The following RYR3 variants were observed in gnomAD, a reference collection of about 807,000 sequenced individuals.
RYR3 encodes the protein brain ryanodine receptor-calcium release channel.
In RYR3, 207 loss-of-function variants were observed where a neutral mutation model predicts 584.3. The ratio of observed to expected loss-of-function variants is 0.35; its 90% CI spans 0.32 to 0.40. RYR3 has a LOEUF of 0.40. Among genes scored for constraint, RYR3 ranks in the 10% least tolerant of loss-of-function variants. The pLI, the probability that RYR3 is intolerant of heterozygous loss-of-function variation, is 1.00. For missense variants in RYR3, 5,616 were observed against 6,089.2 expected, an observed-to-expected ratio of 0.92 and a Z score of 2.59; for synonymous variants, 2,416 against 2,248.5, an observed-to-expected ratio of 1.07 and a Z score of -2.11.
At chr15:33,532,225 G>A (rs1301758402) in intron 4 of RYR3, among the ~76,000 whole-genome samples, 2 of 152,202 alleles carry the variant, frequency 1.3e-5, no homozygotes, top group Non-Finnish European at 2.9e-5. Context: ...ATGCCCATCA[G>A]TGAAGGAGGC....
intron 75 of RYR3, among the ~76,000 whole-genome samples, chr15:33,817,824 C>T (rs1316034131): frequency 1.3e-5 from 2 of 152,212 alleles, no homozygotes; most frequent in Non-Finnish European, 1.5e-5. Flanking sequence ...CAGCCCTCTA[C>T]TTCTTCTGAA....
intron 10 of RYR3, among the ~76,000 whole-genome samples, chr15:33,553,210 G>C (rs2056814765): frequency 6.6e-6 from 1 of 152,180 alleles, no homozygotes; most frequent in Non-Finnish European, 1.5e-5. Flanking sequence ...AGGAGAAAAA[G>C]AGGCTCTTGG....
At chr15:33,568,692 AAATGTT>A (rs1486399820) in intron 12 of RYR3, among the ~76,000 whole-genome samples, 3 of 152,270 alleles carry the variant, frequency 2.0e-5, no homozygotes, top group Non-Finnish European at 4.4e-5. Context: ...CAGCCTCCCA[AAATGTT>A]GGCATTATAG....
chr15:33,513,850 C>G (rs750652483), intron 3 of RYR3, among the ~76,000 whole-genome samples: 1 of 152,144 alleles, frequency 6.6e-6, no homozygotes, highest in Non-Finnish European at 1.5e-5. Flanking sequence ...AGTGTCTACC[C>G]GTGATGAAGG....
intron 67 of RYR3, among the ~76,000 whole-genome samples, chr15:33,789,178 AAGAGC>A (rs1439473126): frequency 6.6e-6 from 1 of 152,044 alleles, no homozygotes; most frequent in Non-Finnish European, 1.5e-5. Flanking sequence ...AGGGGTGGGG[AAGAGC>A]AGTAGAAGAT....
chr15:33,681,926 C>T (rs963480979), intron 38 of RYR3, among the ~76,000 whole-genome samples: 5 of 152,112 alleles, frequency 3.3e-5, no homozygotes, highest in East Asian at 1.9e-4. Context: ...CTCCACTCTT[C>T]GATCATAATG....
chr15:33,421,409 C>T (rs1567203501), intron 1 of RYR3, among the ~76,000 whole-genome samples: 1 of 152,102 alleles, frequency 6.6e-6, no homozygotes, highest in Non-Finnish European at 1.5e-5. Flanking sequence ...AAGGCCTGGA[C>T]TAGGATAACG....
intron 2 of RYR3, among the ~76,000 whole-genome samples, chr15:33,488,465 T>C (rs2050669632): frequency 1.4e-5 from 2 of 139,962 alleles, no homozygotes; most frequent in South Asian, 2.2e-4. Context: ...TTTTTTTTTT[T>C]CTGTGATTAG....
At chr15:33,408,473 T>A (rs1298018003) in intron 1 of RYR3, among the ~76,000 whole-genome samples, 1 of 152,232 alleles carries the variant, frequency 6.6e-6, no homozygotes, top group East Asian at 1.9e-4. Flanking sequence ...TATCAATGAT[T>A]GTGTCTTTTT....
intron 30 of RYR3, 148 bp downstream of exon 30, chr15:33,647,608 A>G: frequency 1.7e-6 from 1 of 599,586 alleles, no homozygotes; most frequent in Non-Finnish European, 2.9e-6. Flanking sequence ...CTTCCAGAAC[A>G]CATCTGTGGC....
chr15:33,618,809 C>G (rs572780240), intron 19 of RYR3, among the ~76,000 whole-genome samples: 1 of 152,310 alleles, frequency 6.6e-6, no homozygotes, highest in African/African-American at 2.4e-5. Context: ...TAGTCACCCC[C>G]TTTGAGCACA....
intron 57 of RYR3, among the ~76,000 whole-genome samples, chr15:33,752,183 T>G (rs192181388): frequency 7.4e-4 from 113 of 152,340 alleles, no homozygotes; most frequent in Middle Eastern, 3.4e-3. Context: ...AGCTTTGTTC[T>G]TTTTGCTTAG....
intron 1 of RYR3, among the ~76,000 whole-genome samples, chr15:33,316,286 G>A (rs895491429): frequency 6.7e-4 from 102 of 152,058 alleles, no homozygotes; most frequent in African/African-American, 2.4e-3. Flanking sequence ...TTTATAATTC[G>A]ACTTTTTCTT....
At chr15:33,774,713 C>CT (rs2073874835) in intron 64 of RYR3, among the ~76,000 whole-genome samples, 1 of 152,112 alleles carries the variant, frequency 6.6e-6, no homozygotes, top group South Asian at 2.1e-4. Context: ...GATTTTAAGT[C>CT]TTTAACAGTT....
intron 100 of RYR3, 66 bp from the exon 101 acceptor site, chr15:33,860,525 TCTTC>T: frequency 2.2e-6 from 2 of 892,390 alleles, no homozygotes; most frequent in Non-Finnish European, 3.3e-6. Flanking sequence ...CAAAGTAGCT[TCTTC>T]CTTTATCATT....
chr15:33,810,707 T>C lies in RYR3; in HGVS notation c.10197+58T>C, dbSNP rs148299428. On this transcript the variant is annotated intron_variant, in intron 71 of 103. Coordinates refer to ENST00000634891, the MANE Select transcript of RYR3 (RefSeq NM_001036.6). ...GATCCACATGGTGCAGTGATAAGCA[T>C]TCAGCCCCTGAAGGGTTAGTCCTCC... 5.2e-5 allele frequency: 84 copies of C among 1,604,800 alleles called. No homozygotes were observed. The African/African-American group carries it at 8.9e-4, about 17-fold the overall frequency.
chr15:33,458,056 T>C (rs1170467655), intron 1 of RYR3, among the ~76,000 whole-genome samples: 2 of 152,150 alleles, frequency 1.3e-5, no homozygotes, highest in Non-Finnish European at 2.9e-5. Flanking sequence ...GTTAATTTTA[T>C]GGTGTCAACT....
chr15:33,772,076 C>G lies in RYR3; in HGVS notation c.8973C>G (p.Asn2991Lys), dbSNP rs1169364915. 2 of 1,613,834 alleles carry G rather than the reference C, an allele frequency of 1.2e-6. No homozygotes were observed. The highest frequency in any genetic ancestry group is 4.5e-5 in the East Asian group (2 of 44,866). ...TTAAAGGCGTTTCTCAGAATATTAA[C>G]TACACTACAGTGGCTCTGCTCCCCA... ...TQIKGVSQNI[N>K]YTTVALLPIL... The change falls in exon 63 of 104, where the codon AAC becomes AAG. Residue 2991 changes from asparagine to lysine, a missense_variant. Around this residue, in one of 9 missense-constraint regions of RYR3, gnomAD observed 954 missense variants for 1,132.2 expected, o/e 0.84. Coordinates refer to ENST00000634891, the MANE Select transcript of RYR3 (RefSeq NM_001036.6).
At chr15:33,599,365 C>T (rs1408796155) in intron 16 of RYR3, among the ~76,000 whole-genome samples, 1 of 152,140 alleles carries the variant, frequency 6.6e-6, no homozygotes, top group African/African-American at 2.4e-5. Context: ...CTCATTAAAT[C>T]CTGACGACAC....
Sources: allele counts gnomAD v4.1 joint callset (sites outside exome capture counted in the v4.1 genomes callset), GRCh38; gene constraint gnomAD v4.1.1; regional missense constraint gnomAD v4.1.1; transcripts MANE v1.5; gene names NCBI Gene and HGNC (gene_info 2026-07-23, HGNC 2026-07-21).